Variants in EFCAB12 observed in about 807,000 individuals in gnomAD.
EFCAB12 encodes the protein EF-hand calcium-binding domain-containing protein 12.
Under a neutral mutation model 53.6 loss-of-function variants are expected in EFCAB12, and 43 were observed. The ratio of observed to expected loss-of-function variants is 0.80; its 90% confidence interval spans 0.63 to 1.03. The LOEUF is 1.03. EFCAB12 is among the 50% of genes least tolerant of loss of function. The pLI, the probability that EFCAB12 is intolerant of heterozygous loss-of-function variation, is 0.00. For missense variants in EFCAB12, 646 were observed against 730.6 expected (o/e 0.88, Z 1.34); for synonymous variants, 269 against 289.2 (o/e 0.93, Z 0.71).
At chr3:129,409,367 C>T (rs1172902589) in intron 5 of EFCAB12, among the ~76,000 whole-genome samples, 1 of 151,988 alleles carries the variant, frequency 6.6e-6, no homozygotes, top group Non-Finnish European at 1.5e-5. Flanking sequence ...GGCTTGAGTC[C>T]GGGAAGTTGA....
intron 1 of EFCAB12, among the ~76,000 whole-genome samples, chr3:129,423,174 G>C (rs2072210814): frequency 6.6e-6 from 1 of 152,220 alleles, no homozygotes; most frequent in South Asian, 2.1e-4. Flanking sequence ...TCTGGCCCCA[G>C]AGCTCGGCTC....
chr3:129,428,527 GAATGTGTGTC>G lies in EFCAB12; in HGVS notation c.-49_-40del, dbSNP rs772674073. 42 of 1,603,826 alleles carry G rather than the reference GAATGTGTGTC, an allele frequency of 2.6e-5. No homozygotes were observed. The Admixed American group carries it at 7.0e-4, about 27-fold the overall frequency. Reference sequence around the variant, plus strand: ...GGAGGGGGTGCTGAAGGGCGTGTGTGAATGTGTGTCGATGTGGGCTTGCTTGCGTAGGGGT... The same window carrying G: ...GGAGGGGGTGCTGAAGGGCGTGTGTGGATGTGGGCTTGCTTGCGTAGGGGT... On this transcript the variant is annotated 5_prime_UTR_variant, in exon 1 of 9. Coordinates refer to ENST00000505956, the MANE Select transcript of EFCAB12 (RefSeq NM_207307.3).
intron 7 of EFCAB12, 139 bp from the exon 8 acceptor site, chr3:129,402,718 C>G: frequency 2.5e-6 from 2 of 791,562 alleles, no homozygotes; most frequent in Non-Finnish European, 4.0e-6. Flanking sequence ...TGTCTTCCAC[C>G]TGGGGTGGAC....
chr3:129,419,608 C>T (rs2072165248), intron 2 of EFCAB12, among the ~76,000 whole-genome samples: 1 of 152,234 alleles, frequency 6.6e-6, no homozygotes, highest in Non-Finnish European at 1.5e-5. Context: ...CCCCCTCACC[C>T]TGAGATGCCT....
intron 1 of EFCAB12, 58 bp downstream of exon 1, chr3:129,428,382 T>C: frequency 6.4e-7 from 1 of 1,562,808 alleles, no homozygotes. Context: ...CTCACCCCAC[T>C]TTCACGCGTC....
At position 129,404,248 on chromosome 3, in the gene EFCAB12, G is replaced by C; in HGVS notation, c.1403+2C>G. The C allele has an allele frequency of 6.2e-7, 1 of 1,611,848 alleles. No individual in the cohort carries two copies. ...AGGGAGAAAGGGGGTCCGAAACTCA[G>C]CTTGTCAGTCCTCTTAGACTTGCCA... On this transcript the variant is annotated splice_donor_variant, in intron 7 of 8. Coordinates refer to ENST00000505956, the MANE Select transcript of EFCAB12 (RefSeq NM_207307.3). LOFTEE classifies it high-confidence loss of function.
Position 129,401,514 on chromosome 3 carries a change from T to C in EFCAB12, c.*79A>G. 6.9e-7 allele frequency: 1 copy of C among 1,448,446 alleles called. No homozygotes were observed. The highest frequency in any genetic ancestry group is 2.5e-5 in the East Asian group (1 of 39,954). The allele number at this position is 1,448,446 out of a possible 1,614,324, so 89.7% of individuals were successfully genotyped here. On this transcript the variant is annotated 3_prime_UTR_variant, in exon 9 of 9. Coordinates refer to ENST00000505956, the MANE Select transcript of EFCAB12 (RefSeq NM_207307.3). ...CTTTAGTTTGACTCTTTGACACTCCTCTTGTGTCTGGGCTCTGGGCCGCTG... is the reference window on the plus strand; with the variant it reads ...CTTTAGTTTGACTCTTTGACACTCCCCTTGTGTCTGGGCTCTGGGCCGCTG...
chr3:129,419,038 C>T (rs778815973), intron 2 of EFCAB12, among the ~76,000 whole-genome samples: 18 of 152,222 alleles, frequency 1.2e-4, no homozygotes, highest in Admixed American at 2.6e-4. Flanking sequence ...TAATAGAGAC[C>T]CACCTCTATT....
At position 129,402,592 on chromosome 3, in the gene EFCAB12, A is replaced by G. The variant is rs1442523803; in HGVS notation, c.1404-13T>C. On this transcript the variant is annotated splice_polypyrimidine_tract_variant and intron_variant, in intron 7 of 8. Transcript: ENST00000505956. ...CTTTGGCGTTTTCCTAGTGGAGAAG[A>G]GAGAGGCATTTTGTGAGGAGAGTGG... The G allele has an allele frequency of 6.2e-7, 1 of 1,610,754 alleles. No homozygotes were observed. Among genetic ancestry groups the G allele is most frequent in the Non-Finnish European group, 8.5e-7 (1 of 1,178,122 alleles).
intron 5 of EFCAB12, 33 bp from the exon 6 acceptor site, chr3:129,408,891 T>C (rs1308955064): frequency 1.3e-6 from 2 of 1,547,994 alleles, no homozygotes; most frequent in African/African-American, 1.4e-5. Flanking sequence ...CTCGCCCTTC[T>C]CTCGCCTGTG....
intron 1 of EFCAB12, 60 bp from the exon 2 acceptor site, chr3:129,421,863 G>A (rs2072194076): frequency 1.1e-5 from 17 of 1,494,370 alleles, no homozygotes; most frequent in Admixed American, 2.3e-5. Flanking sequence ...AAGGAGCCAG[G>A]AAGGAAAAAC....
At chr3:129,414,522 G>C (rs2107739125) in intron 4 of EFCAB12, 1 of 152,348 alleles carries the variant, frequency 6.6e-6, no homozygotes. Flanking sequence ...GGCTATGTTT[G>C]GGAAGGGTGC....
intron 6 of EFCAB12, among the ~76,000 whole-genome samples, chr3:129,407,508 A>G (rs900587220): frequency 3.9e-5 from 6 of 152,208 alleles, no homozygotes; most frequent in Admixed American, 6.5e-5. Context: ...ATTTCCCAGT[A>G]TGGCCAAAGT....
intron 1 of EFCAB12, among the ~76,000 whole-genome samples, chr3:129,426,094 A>G (rs1005580802): frequency 1.3e-5 from 2 of 151,896 alleles, no homozygotes; most frequent in African/African-American, 4.8e-5. Flanking sequence ...GCTTGATTCA[A>G]TCTCTTGCTA....
chr3:129,421,617 G>A lies in EFCAB12; in HGVS notation c.236C>T (p.Ala79Val), dbSNP rs2072188671. The A allele has an allele frequency of 1.9e-6, 3 of 1,613,996 alleles. No homozygotes were observed. Among genetic ancestry groups the A allele is most frequent in the Middle Eastern group, 1.6e-4 (1 of 6,062 alleles). The part of the protein sequence containing the change: ...TPLNPASQPQ[A>V]PPKPIPSFKV... ...GAAGCTGGGGATGGGCTTTGGGGGA[G>A]CCTGAGGTTGGGATGCAGGATTAAG... Residue 79 changes from alanine to valine, a missense_variant, in exon 2 of 9, where the codon GCT becomes GTT. Physicochemically the swap from Ala to Val is moderately conservative, Grantham distance 64. Coordinates refer to ENST00000505956, the MANE Select transcript of EFCAB12 (RefSeq NM_207307.3).
intron 1 of EFCAB12, among the ~76,000 whole-genome samples, chr3:129,424,168 C>A (rs2072222573): frequency 6.6e-6 from 1 of 152,246 alleles, no homozygotes; most frequent in Non-Finnish European, 1.5e-5. Context: ...CGGTGCCCAG[C>A]CTGGCCCAAA....
intron 3 of EFCAB12, 46 bp downstream of exon 3, chr3:129,418,208 C>T (rs1225153639): frequency 6.5e-7 from 1 of 1,538,890 alleles, no homozygotes. Flanking sequence ...AGTACATGTA[C>T]ATCCTGCCCA....
Position 129,428,447 on chromosome 3 carries a change from CG to C in EFCAB12, c.41del (p.Ser14CysfsTer93). On this transcript the variant is annotated frameshift_variant, in exon 1 of 9. Transcript: ENST00000505956. LOFTEE classifies it high-confidence loss of function. ...DYEAYHSLFL[S>X]LLGLCPSKTP... Reference sequence around the variant, plus strand: ...CTTCTTCCCGGGGCTTACCGAGCAGCGACAAGAACAGACTGTGGTACGCTTC... The same window carrying C: ...CTTCTTCCCGGGGCTTACCGAGCAGCACAAGAACAGACTGTGGTACGCTTC... 6.2e-7 allele frequency: 1 copy of C among 1,609,632 alleles called. No homozygotes were observed. Among genetic ancestry groups the C allele is most frequent in the Non-Finnish European group, 8.5e-7 (1 of 1,177,924 alleles).
At chr3:129,419,255 T>A (rs966504242) in intron 2 of EFCAB12, among the ~76,000 whole-genome samples, 1 of 152,220 alleles carries the variant, frequency 6.6e-6, no homozygotes, top group Non-Finnish European at 1.5e-5. Context: ...ATTTTTAAAT[T>A]TATAATTAAT....
Sources: gnomAD v4.1 joint callset for allele counts (sites outside exome capture counted in the v4.1 genomes callset) on GRCh38, gnomAD v4.1.1 for gene constraint, MANE v1.5 for transcripts, NCBI Gene and HGNC (gene_info 2026-07-23, HGNC 2026-07-21) for gene names.